The following TAF3 variants were observed in gnomAD, a reference collection of about 807,000 sequenced individuals.
The protein encoded by TAF3 is transcription initiation factor TFIID subunit 3.
A neutral mutation model predicts 80.6 loss-of-function variants in TAF3; 7 were observed. The observed-to-expected ratio is 0.09, with a 90% CI of 0.05 to 0.16. The LOEUF is 0.16. TAF3 is among the 10% of genes least tolerant of loss of function. TAF3 has a pLI of 1.00. For synonymous variants in TAF3, 444 were observed against 446.1 expected (o/e 1.00, Z 0.06); for missense variants, 921 against 1,140.2 (o/e 0.81, Z 2.77).
intron 2 of TAF3, among the ~76,000 whole-genome samples, chr10:7,850,477 A>G (rs1837015956): frequency 6.6e-6 from 1 of 152,120 alleles, no homozygotes; most frequent in Non-Finnish European, 1.5e-5. Context: ...GCAGTTTGAG[A>G]CCAGCCTGGC....
At chr10:7,912,727 CT>C (rs1161634104) in intron 2 of TAF3, among the ~76,000 whole-genome samples, 1 of 152,270 alleles carries the variant, frequency 6.6e-6, no homozygotes, top group Non-Finnish European at 1.5e-5. Context: ...TAATATTTCC[CT>C]ACAAATCCAG....
chr10:7,827,791 A>AC (rs1554775255), intron 2 of TAF3, among the ~76,000 whole-genome samples: 35 of 150,164 alleles, frequency 2.3e-4, no homozygotes, highest in Admixed American at 1.7e-3. Context: ...AAAAAAAAAA[A>AC]AAAAACAAAA....
At chr10:7,872,991 C>G (rs1335484128) in intron 2 of TAF3, among the ~76,000 whole-genome samples, 1 of 152,042 alleles carries the variant, frequency 6.6e-6, no homozygotes, top group Non-Finnish European at 1.5e-5. Context: ...CCATAAATCC[C>G]AAAGTCTCTA....
intron 2 of TAF3, among the ~76,000 whole-genome samples, chr10:7,853,791 A>G (rs1301400696): frequency 6.6e-6 from 1 of 152,248 alleles, no homozygotes; most frequent in East Asian, 1.9e-4. Context: ...AGCCTAAAAT[A>G]GTTACCATCT....
chr10:7,991,387 C>T (rs1588579223), intron 4 of TAF3, among the ~76,000 whole-genome samples: 1 of 151,994 alleles, frequency 6.6e-6, no homozygotes, highest in Admixed American at 6.6e-5. Context: ...TAATTTATTT[C>T]TTTGCAGTAT....
Position 7,942,733 on chromosome 10 carries a change from C to T in TAF3, c.410-21187C>T, listed in dbSNP as rs755138777. Among the ~76,000 whole-genome samples, 9 of 152,016 alleles carry T rather than the reference C, an allele frequency of 5.9e-5. No homozygotes were observed. In the East Asian group the frequency reaches 1.5e-3, roughly 26 times the overall value. On this transcript the variant is annotated intron_variant, in intron 2 of 6. Coordinates refer to ENST00000344293, the MANE Select transcript of TAF3 (RefSeq NM_031923.4). ...AGGGGCCCCATCCCAAGTGGGCAGC[C>T]GAGGCGTGTGGGCACGGAGTTCTAG...
chr10:7,987,971 G>A (rs941688185), intron 4 of TAF3, among the ~76,000 whole-genome samples: 1 of 152,112 alleles, frequency 6.6e-6, no homozygotes, highest in African/African-American at 2.4e-5. Flanking sequence ...ATACTACAGA[G>A]AATTGCCTTC....
intron 2 of TAF3, among the ~76,000 whole-genome samples, chr10:7,844,669 C>A (rs920336625): frequency 1.3e-5 from 2 of 152,154 alleles, no homozygotes; most frequent in Non-Finnish European, 2.9e-5. Context: ...AACCACCGTG[C>A]CTGGCCAGCT....
intron 4 of TAF3, among the ~76,000 whole-genome samples, chr10:7,984,633 T>G (rs555890589): frequency 6.6e-6 from 1 of 152,330 alleles, no homozygotes; most frequent in African/African-American, 2.4e-5. Flanking sequence ...TTTTAAAATA[T>G]TTATGACCAC....
intron 4 of TAF3, among the ~76,000 whole-genome samples, chr10:8,004,017 A>T (rs1475602056): frequency 6.6e-6 from 1 of 152,102 alleles, no homozygotes; most frequent in Non-Finnish European, 1.5e-5. Flanking sequence ...GAATTACTAA[A>T]TATTTTTAAA....
At chr10:7,860,330 G>A (rs910369179) in intron 2 of TAF3, among the ~76,000 whole-genome samples, 46 of 151,800 alleles carry the variant, frequency 3.0e-4, no homozygotes, top group African/African-American at 7.7e-4. Context: ...ATTATTAAGC[G>A]TTTGAAAATT....
chr10:8,011,693 A>G (rs755658724), intron 5 of TAF3, among the ~76,000 whole-genome samples: 1 of 152,132 alleles, frequency 6.6e-6, no homozygotes, highest in Non-Finnish European at 1.5e-5. Context: ...ATCACCCCCA[A>G]ATGGGTTGAT....
At chr10:7,945,129 GCA>G (rs1838012873) in intron 2 of TAF3, among the ~76,000 whole-genome samples, 1 of 152,290 alleles carries the variant, frequency 6.6e-6, no homozygotes, top group South Asian at 2.1e-4. Context: ...CTTTCCCGAT[GCA>G]CAGTCTGAAG....
chr10:7,880,579 A>G (rs1468349593), intron 2 of TAF3, among the ~76,000 whole-genome samples: 1 of 152,168 alleles, frequency 6.6e-6, no homozygotes, highest in African/African-American at 2.4e-5. Context: ...TGATAGACAT[A>G]ATCCTGCTGA....
At chr10:7,843,858 A>G (rs1836943314) in intron 2 of TAF3, among the ~76,000 whole-genome samples, 2 of 151,978 alleles carry the variant, frequency 1.3e-5, no homozygotes, top group African/African-American at 4.8e-5. Flanking sequence ...GTTAAATTTT[A>G]TCATCCATTT....
At chr10:7,903,925 CAGTA>C (rs1180340780) in intron 2 of TAF3, among the ~76,000 whole-genome samples, 9 of 152,058 alleles carry the variant, frequency 5.9e-5, no homozygotes, top group Non-Finnish European at 4.4e-5. Flanking sequence ...AGATAACCTA[CAGTA>C]AGTGTGAGAA....
At chr10:7,829,439 A>G (rs145110802) in intron 2 of TAF3, among the ~76,000 whole-genome samples, 4 of 152,242 alleles carry the variant, frequency 2.6e-5, no homozygotes, top group Non-Finnish European at 4.4e-5. Context: ...ACGTCTCCTT[A>G]GACTTTTCTT....
At chr10:7,902,057 G>A (rs1305441401) in intron 2 of TAF3, among the ~76,000 whole-genome samples, 1 of 152,100 alleles carries the variant, frequency 6.6e-6, no homozygotes, top group Non-Finnish European at 1.5e-5. Flanking sequence ...TCGTCAGTGT[G>A]TGTGTTTTCT....
intron 2 of TAF3, among the ~76,000 whole-genome samples, chr10:7,893,719 A>G (rs898272705): frequency 6.6e-6 from 1 of 152,034 alleles, no homozygotes; most frequent in African/African-American, 2.4e-5. Flanking sequence ...TATGCTCACC[A>G]AGGTTCCCTC....
Sources: allele counts gnomAD v4.1 joint callset (sites outside exome capture counted in the v4.1 genomes callset), GRCh38; gene constraint gnomAD v4.1.1; transcripts MANE v1.5; gene names NCBI Gene and HGNC (gene_info 2026-07-23, HGNC 2026-07-21).